UMODL1: variants seen among roughly 807,000 people sequenced by gnomAD.
The protein encoded by UMODL1 is uromodulin-like 1.
A neutral mutation model predicts 136.3 loss-of-function variants in UMODL1; 128 were observed. The observed-to-expected ratio is 0.94, with a 90% CI of 0.81 to 1.09. The LOEUF is 1.09. UMODL1 is among the 50% of genes least tolerant of loss of function. The pLI, the probability that UMODL1 is intolerant of heterozygous loss-of-function variation, is 0.00. For missense variants in UMODL1, 1,766 were observed against 1,725.6 expected, an observed-to-expected ratio of 1.02 and a Z score of -0.41; for synonymous variants, 721 against 720.0, an observed-to-expected ratio of 1.00 and a Z score of -0.02.
At chr21:42,097,512 GT>G (rs770261522) in intron 6 of UMODL1, among the ~76,000 whole-genome samples, 2 of 151,924 alleles carry the variant, frequency 1.3e-5, no homozygotes, top group Non-Finnish European at 2.9e-5. Flanking sequence ...ACAGTGTTGG[GT>G]TTTTTTTGTT....
rs758228184 is a variant in UMODL1 at position 42,111,040 on chromosome 21, C to T, written c.1818C>T (p.Thr606=). The T allele has an allele frequency of 3.1e-6, 5 of 1,613,354 alleles. No individual in the cohort carries two copies. The highest frequency in any genetic ancestry group is 3.4e-6 in the Non-Finnish European group (4 of 1,179,822). The change falls in exon 11 of 23, where the codon ACC becomes ACT. Residue 606 remains threonine (T), a synonymous_variant. Transcript: ENST00000408910. The stretch of plus-strand genomic sequence containing the variant: ...CCCCGGCAGCAGGCCAGGCCTGGAC[C>T]CCAGAGCCCTCACCCAGAAGAGGGG... ...QGTPAAGQAW[T]PEPSPRRGGS...
intron 19 of UMODL1, 49 bp from the exon 20 acceptor site, chr21:42,127,623 A>G: frequency 6.4e-7 from 1 of 1,572,310 alleles, no homozygotes; most frequent in Non-Finnish European, 8.6e-7. Flanking sequence ...GAGAACAAGG[A>G]CAGCGGGGCT....
At chr21:42,134,202 G>A (rs561361455) in intron 21 of UMODL1, among the ~76,000 whole-genome samples, 1 of 152,316 alleles carries the variant, frequency 6.6e-6, no homozygotes, top group South Asian at 2.1e-4. Flanking sequence ...ATCTGTTTTT[G>A]CAGGGGGTGA....
chr21:42,095,112 T>TTTTTTTG (rs1601205271), intron 6 of UMODL1, among the ~76,000 whole-genome samples: 1 of 144,372 alleles, frequency 6.9e-6, no homozygotes, highest in African/African-American at 2.6e-5. Context: ...TTTTTTTTTT[T>TTTTTTTG]GAGACAGGGT....
At chr21:42,127,497 C>T (rs911633589) in intron 19 of UMODL1, among the ~76,000 whole-genome samples, 175 bp from the exon 20 acceptor site, 2 of 152,208 alleles carry the variant, frequency 1.3e-5, no homozygotes, top group Middle Eastern at 3.2e-3. Flanking sequence ...GATTTCCAGG[C>T]GAGTGCTGTC....
intron 21 of UMODL1, among the ~76,000 whole-genome samples, chr21:42,136,892 G>T (rs1246612336): frequency 6.6e-6 from 1 of 151,916 alleles, no homozygotes; most frequent in Non-Finnish European, 1.5e-5. Context: ...CGAGTAGCTG[G>T]GACTACAGAC....
chr21:42,070,753 C>T (rs2066222509), upstream of UMODL1, among the ~76,000 whole-genome samples: 2 of 152,368 alleles, frequency 1.3e-5, no homozygotes, highest in Admixed American at 1.3e-4. Context: ...ATCCCTGTGA[C>T]CACAGCTTCG....
Position 42,082,329 on chromosome 21 carries a change from C to T in UMODL1, c.320-1755C>T, listed in dbSNP as rs534257659. On this transcript the variant is annotated intron_variant, in intron 2 of 22. Coordinates refer to ENST00000408910, the MANE Select transcript of UMODL1 (RefSeq NM_001004416.3). ...ACTGCAGCCTGCTGAGGCTGCCCTT[C>T]CGCTTGGCCAATCCCACGAGTTTTC... Among the ~76,000 whole-genome samples the T allele has an allele frequency of 5.8e-4, 89 of 152,300 alleles. 1 individual carries two copies. The highest frequency in any genetic ancestry group is 7.2e-4 in the Non-Finnish European group (49 of 68,028).
intron 1 of UMODL1, among the ~76,000 whole-genome samples, chr21:42,064,359 CT>C (rs2066166602): frequency 6.6e-6 from 1 of 152,198 alleles, no homozygotes; most frequent in African/African-American, 2.4e-5. Context: ...GGAACATCAG[CT>C]TTTTGCTGCC....
chr21:42,127,386 C>T, intron 19 of UMODL1, 144 bp downstream of exon 19: 1 of 848,528 alleles, frequency 1.2e-6, no homozygotes. Context: ...GTGCAGGCAC[C>T]CCTGTCCAGC....
chr21:42,121,532 G>A (rs1006918333), intron 16 of UMODL1, among the ~76,000 whole-genome samples: 2 of 152,232 alleles, frequency 1.3e-5, no homozygotes, highest in African/African-American at 2.4e-5. Context: ...AGGTGTGAAC[G>A]TGCAGATGCT....
rs967579044 is a variant in UMODL1 at position 42,123,726 on chromosome 21, CTA to C, written c.3147+578_3147+579del. ...TGAGTGTGTGAATGTGAGAATGTGTCTATGTGCATGTGTGCATGTGTGCGTGA... is the reference window on the plus strand; with the variant it reads ...TGAGTGTGTGAATGTGAGAATGTGTCTGTGCATGTGTGCATGTGTGCGTGA... On this transcript the variant is annotated intron_variant, in intron 17 of 22. Transcript: ENST00000408910. The surrounding 1 kb of genome is among the most constrained non-coding windows in gnomAD (Gnocchi z 4.4). Among the ~76,000 whole-genome samples, 17 of 151,324 alleles carry C rather than the reference CTA, an allele frequency of 1.1e-4. No homozygotes were observed. Among genetic ancestry groups the C allele is most frequent in the South Asian group, 2.1e-4 (1 of 4,784 alleles).
chr21:42,079,211 T>A (rs1216969072), intron 2 of UMODL1, among the ~76,000 whole-genome samples: 1 of 152,158 alleles, frequency 6.6e-6, no homozygotes. Flanking sequence ...ATGCCCACCA[T>A]CACCTTCTGT....
At chr21:42,136,906 C>T (rs562763566) in intron 21 of UMODL1, among the ~76,000 whole-genome samples, 73 of 152,130 alleles carry the variant, frequency 4.8e-4, no homozygotes, top group African/African-American at 1.6e-3. Flanking sequence ...TACAGACATG[C>T]GCCACCATGC....
At chr21:42,090,174 AC>A in intron 5 of UMODL1, 123 bp from the exon 6 acceptor site, 1 of 1,332,316 alleles carries the variant, frequency 7.5e-7, no homozygotes, top group Non-Finnish European at 1.0e-6. Flanking sequence ...TGCCCAAGGC[AC>A]CCCTCAACCG....
intron 22 of UMODL1, among the ~76,000 whole-genome samples, chr21:42,138,585 T>A (rs2067239613): frequency 6.6e-6 from 1 of 152,142 alleles, no homozygotes; most frequent in Admixed American, 6.6e-5. Flanking sequence ...CAGATTTTTT[T>A]TTTTTTTGAG....
rs1211053609 is a variant in UMODL1, at chr21:42,103,980, T to A, written c.1412T>A (p.Val471Glu). 6.2e-7 allele frequency: 1 copy of A among 1,614,094 alleles called. No homozygotes were observed. Among genetic ancestry groups the A allele is most frequent in the Middle Eastern group, 1.6e-4 (1 of 6,062 alleles). Reference sequence around the variant, plus strand: ...GTGGTCGTGAGGCTCAAGCTCACCGTGCAGGACCCCGGGTTTCCCATGGGC... The same window carrying A: ...GTGGTCGTGAGGCTCAAGCTCACCGAGCAGGACCCCGGGTTTCCCATGGGC... ...GSVVVRLKLTVQDPGFPMGIS... is the reference protein window; with the variant it reads ...GSVVVRLKLTEQDPGFPMGIS... Residue 471 changes from valine (V) to glutamate (E), a missense_variant, in exon 9 of 23, where the codon GTG (valine) becomes GAG (glutamate). By Grantham distance (121) the Val-to-Glu change is moderately radical (BLOSUM62 -2). Transcript: ENST00000408910.
intron 6 of UMODL1, among the ~76,000 whole-genome samples, chr21:42,092,830 C>G (rs184851136): frequency 3.1e-4 from 47 of 151,446 alleles, no homozygotes; most frequent in African/African-American, 1.1e-3. Flanking sequence ...AGACTAACCC[C>G]AAGAGGCAAC....
intron 14 of UMODL1, 28 bp from the exon 15 acceptor site, chr21:42,119,083 C>G (rs764444014): frequency 6.2e-7 from 1 of 1,604,166 alleles, no homozygotes; most frequent in Non-Finnish European, 8.5e-7. Flanking sequence ...AGCGTGGGGA[C>G]CTCCTCACAT....
Sources: gnomAD v4.1 joint callset for allele counts (sites outside exome capture counted in the v4.1 genomes callset) on GRCh38, gnomAD v4.1.1 for gene constraint, Gnocchi (gnomAD v3.1) non-coding constraint, MANE v1.5 for transcripts, NCBI Gene and HGNC (gene_info 2026-07-23, HGNC 2026-07-21) for gene names.